Variants in CA10 observed in about 807,000 individuals in gnomAD.
CA10 encodes the protein carbonic anhydrase-related protein 10.
A neutral mutation model predicts 44.2 loss-of-function variants in CA10; 14 were observed. That is an observed-to-expected ratio of 0.32 (90% confidence interval 0.21 to 0.50). CA10 has a LOEUF of 0.50. Among genes scored for constraint, CA10 ranks in the 20% least tolerant of loss-of-function variants. CA10 has a pLI of 0.99. For missense variants in CA10, 350 were observed against 409.7 expected (o/e 0.85, Z 1.26); for synonymous variants, 159 against 141.6 (o/e 1.12, Z -0.87).
At chr17:51,728,285 T>C (rs996726911) in intron 4 of CA10, among the ~76,000 whole-genome samples, 1 of 146,810 alleles carries the variant, frequency 6.8e-6, no homozygotes, top group African/African-American at 2.5e-5. Context: ...TTCCCTTAAC[T>C]TTTTTTTTTT....
intron 4 of CA10, among the ~76,000 whole-genome samples, chr17:51,683,388 GT>G (rs1343022454): frequency 3.3e-5 from 5 of 152,116 alleles, no homozygotes; most frequent in African/African-American, 1.2e-4. Context: ...CCTGGTCACA[GT>G]TTTTTCTTCT....
chr17:52,082,212 C>T (rs1196411890), intron 1 of CA10, among the ~76,000 whole-genome samples: 1 of 152,084 alleles, frequency 6.6e-6, no homozygotes, highest in African/African-American at 2.4e-5. Context: ...ATGTTATTTA[C>T]AAGTTTTATA....
intron 3 of CA10, among the ~76,000 whole-genome samples, chr17:51,794,281 C>A (rs1200925442): frequency 6.6e-6 from 1 of 152,180 alleles, no homozygotes; most frequent in Non-Finnish European, 1.5e-5. Context: ...CATGTATAGA[C>A]AGGGGTGTAA....
At chr17:51,994,160 A>G (rs1985141566) in intron 2 of CA10, among the ~76,000 whole-genome samples, 1 of 152,068 alleles carries the variant, frequency 6.6e-6, no homozygotes, top group East Asian at 1.9e-4. Flanking sequence ...CGACTCCATC[A>G]GAAAGAAAAA....
At chr17:51,736,758 A>C (rs1477216528) in intron 4 of CA10, among the ~76,000 whole-genome samples, 1 of 152,188 alleles carries the variant, frequency 6.6e-6, no homozygotes, top group Non-Finnish European at 1.5e-5. Context: ...GCTTGTTATA[A>C]AGAAGAGAGA....
At chr17:52,115,745 C>T (rs1180797537) in intron 1 of CA10, among the ~76,000 whole-genome samples, 1 of 152,216 alleles carries the variant, frequency 6.6e-6, no homozygotes, top group Non-Finnish European at 1.5e-5. Flanking sequence ...CTGCCATGCA[C>T]CGGGAGTCTT....
chr17:52,149,993 C>T (rs960087851), intron 1 of CA10, among the ~76,000 whole-genome samples: 1 of 152,174 alleles, frequency 6.6e-6, no homozygotes, highest in African/African-American at 2.4e-5. Flanking sequence ...CAAGGGATTA[C>T]TGTTATTGAA....
At chr17:52,113,223 A>C in intron 1 of CA10, among the ~76,000 whole-genome samples, 1 of 152,388 alleles carries the variant, frequency 6.6e-6, no homozygotes, top group South Asian at 2.1e-4. Context: ...CAGAGGGCCC[A>C]GCCTCTGTAA....
chr17:51,709,911 T>C (rs566598669), intron 4 of CA10, among the ~76,000 whole-genome samples: 1 of 152,262 alleles, frequency 6.6e-6, no homozygotes, highest in South Asian at 2.1e-4. Flanking sequence ...GGAGTTGGAA[T>C]GGGTGGTAGG....
At chr17:51,755,104 T>C (rs1193359149) in intron 3 of CA10, among the ~76,000 whole-genome samples, 1 of 152,168 alleles carries the variant, frequency 6.6e-6, no homozygotes, top group Non-Finnish European at 1.5e-5. Flanking sequence ...GGAGAACCAG[T>C]TTGAAAAGAT....
intron 3 of CA10, among the ~76,000 whole-genome samples, chr17:51,767,817 A>G (rs1236147190): frequency 6.6e-6 from 1 of 151,792 alleles, no homozygotes; most frequent in Non-Finnish European, 1.5e-5. Context: ...GGTGGACACA[A>G]CTCAAATCTC....
chr17:52,041,446 G>C (rs1277988443), intron 2 of CA10, among the ~76,000 whole-genome samples: 4 of 151,918 alleles, frequency 2.6e-5, no homozygotes. Context: ...GCTTTATTAA[G>C]GTATAATTGA....
At chr17:51,708,991 G>A (rs1915847560) in intron 4 of CA10, among the ~76,000 whole-genome samples, 1 of 152,150 alleles carries the variant, frequency 6.6e-6, no homozygotes, top group African/African-American at 2.4e-5. Context: ...GTCTATTGTG[G>A]GACTTCACCT....
intron 1 of CA10, among the ~76,000 whole-genome samples, chr17:52,114,056 A>C (rs1445870432): frequency 6.6e-6 from 1 of 152,248 alleles, no homozygotes; most frequent in East Asian, 1.9e-4. Context: ...GCCTCCCCAG[A>C]GTCAGTACGA....
chr17:52,094,169 C>A (rs924889234), intron 1 of CA10, among the ~76,000 whole-genome samples: 1 of 152,068 alleles, frequency 6.6e-6, no homozygotes, highest in African/African-American at 2.4e-5. Context: ...GGAGGAATAA[C>A]ATTAGGAGAA....
intron 3 of CA10, among the ~76,000 whole-genome samples, chr17:51,926,064 T>A (rs773433005): frequency 6.6e-6 from 1 of 152,098 alleles, no homozygotes. Flanking sequence ...CACTGAACCA[T>A]CCACTTTAAA....
intron 4 of CA10, among the ~76,000 whole-genome samples, chr17:51,710,751 C>G (rs764347124): frequency 5.3e-5 from 8 of 152,138 alleles, no homozygotes; most frequent in Admixed American, 3.9e-4. Flanking sequence ...TAAGTCCCCA[C>G]CAGAGGTTGC....
chr17:51,954,051 GAGAC>G (rs1983578973), intron 2 of CA10, among the ~76,000 whole-genome samples: 1 of 152,072 alleles, frequency 6.6e-6, no homozygotes, highest in Non-Finnish European at 1.5e-5. Flanking sequence ...CAAACTCTGA[GAGAC>G]AAACATTATT....
intron 4 of CA10, among the ~76,000 whole-genome samples, chr17:51,708,809 C>T (rs1241294929): frequency 6.6e-6 from 1 of 152,226 alleles, no homozygotes; most frequent in African/African-American, 2.4e-5. Flanking sequence ...GCTTCCTGCC[C>T]TTGAACGGCA....
Sources: allele counts gnomAD v4.1 joint callset (sites outside exome capture counted in the v4.1 genomes callset), GRCh38; gene constraint gnomAD v4.1.1; transcripts MANE v1.5; gene names NCBI Gene and HGNC (gene_info 2026-07-23, HGNC 2026-07-21).